The following IFNAR1 variants were observed in gnomAD, a reference collection of about 807,000 sequenced individuals.
The protein encoded by IFNAR1 is interferon alpha/beta receptor 1.
In IFNAR1, 47 loss-of-function variants were observed where a neutral mutation model predicts 62.1. That is an observed-to-expected ratio of 0.76 (90% CI 0.60 to 0.97). IFNAR1 has a LOEUF of 0.97. Among genes scored for constraint, IFNAR1 ranks in the 50% least tolerant of loss-of-function variants. The pLI is 0.00. For missense variants in IFNAR1, 638 were observed against 654.5 expected, an observed-to-expected ratio of 0.97 and a Z score of 0.27; for synonymous variants, 219 against 226.9, an observed-to-expected ratio of 0.97 and a Z score of 0.31.
chr21:33,345,953 G>A (rs539556180), intron 6 of IFNAR1, among the ~76,000 whole-genome samples: 5 of 152,310 alleles, frequency 3.3e-5, no homozygotes, highest in South Asian at 2.1e-4. Context: ...GTGCAGTGGC[G>A]CATGCCTATC....
At chr21:33,350,785 A>G (rs1246031111) in intron 8 of IFNAR1, among the ~76,000 whole-genome samples, 1 of 152,176 alleles carries the variant, frequency 6.6e-6, no homozygotes, top group Non-Finnish European at 1.5e-5. Flanking sequence ...CCATAGCTTA[A>G]TGTAGCCCAT....
chr21:33,324,824 C>T, upstream of IFNAR1: 3 of 561,976 alleles, frequency 5.3e-6, no homozygotes, highest in Admixed American at 6.2e-5. Context: ...GCAATGGGAG[C>T]TTGGAGAAGG....
At chr21:33,335,733 G>A in intron 2 of IFNAR1, 86 bp downstream of exon 2, 4 of 1,155,268 alleles carry the variant, frequency 3.5e-6, no homozygotes, top group South Asian at 3.9e-5. Context: ...GATTTGGAAA[G>A]TGTTTGGTTT....
chr21:33,355,216 C>G, intron 10 of IFNAR1, 100 bp from the exon 11 acceptor site: 1 of 631,220 alleles, frequency 1.6e-6, no homozygotes, highest in East Asian at 2.9e-5. Context: ...GATAGGTTTT[C>G]TCAGTAATGG....
At chr21:33,339,927 CAAAAAAA>C (rs532975886) in intron 2 of IFNAR1, among the ~76,000 whole-genome samples, 11 of 81,858 alleles carry the variant, frequency 1.3e-4, no homozygotes, top group South Asian at 8.8e-4. Flanking sequence ...GACTCTGTCT[CAAAAAAA>C]AAAAAAAAAA....
At position 33,355,550 on chromosome 21, in the gene IFNAR1, C is replaced by A. The variant is rs764504109; in HGVS notation, c.*1C>A. On this transcript the variant is annotated 3_prime_UTR_variant, in exon 11 of 11. Coordinates refer to ENST00000270139, the MANE Select transcript of IFNAR1 (RefSeq NM_000629.3). ...AGAACTACAGCAGGACTTTGTATGACCAGAAATGAACTGTGTCAAGTATAA... is the reference window on the plus strand; with the variant it reads ...AGAACTACAGCAGGACTTTGTATGAACAGAAATGAACTGTGTCAAGTATAA... The A allele has an allele frequency of 2.6e-6, 4 of 1,521,922 alleles. No individual in the cohort carries two copies. The highest frequency in any genetic ancestry group is 3.6e-6 in the Non-Finnish European group (4 of 1,113,768). 94.3% of individuals were successfully genotyped at this position (1,521,922 alleles called of 1,614,324 possible).
At position 33,333,614 on chromosome 21, in the gene IFNAR1, A is replaced by ATTT. The variant is rs59240203; in HGVS notation, c.77-1901_77-1899dup. On this transcript the variant is annotated intron_variant, in intron 1 of 10. Transcript: ENST00000270139. ...CCATACTTAAAGAGACTGGCGGAAT[A>ATTT]TTTTTTTTTTTCTTTTTTTTTTTTT... 3.6e-4 allele frequency among the ~76,000 whole-genome samples: 38 copies of ATTT among 106,968 alleles called. 3 individuals are homozygous for ATTT. Among genetic ancestry groups the ATTT allele is most frequent in the African/African-American group, 1.2e-3 (30 of 24,416 alleles). 70.2% of individuals were successfully genotyped at this position (106,968 alleles called of 152,430 possible). A position where few individuals can be genotyped will look rare whatever the true frequency, so the allele number is the denominator to read the frequency against.
At chr21:33,333,307 C>T (rs2083198627) in intron 1 of IFNAR1, among the ~76,000 whole-genome samples, 1 of 152,196 alleles carries the variant, frequency 6.6e-6, no homozygotes. Flanking sequence ...TTCATCACTG[C>T]TAGACCAGCC....
chr21:33,349,191 G>T lies in IFNAR1; in HGVS notation c.889G>T (p.Val297Phe). ...TACCCAGTGTGTCTTTCCTCAAAAC[G>T]TTTTCCAAAAAGGAATTTACCTTCT... ...KTTQCVFPQN[V>F]FQKGIYLLRV... Residue 297 changes from valine to phenylalanine, a missense_variant, in exon 7 of 11, where the codon GTT (valine) becomes TTT (phenylalanine). By Grantham distance (50) the Val-to-Phe change is conservative (BLOSUM62 -1). Transcript: ENST00000270139. The T allele has an allele frequency of 6.2e-7, 1 of 1,613,124 alleles. No homozygotes were observed. The highest frequency in any genetic ancestry group is 2.2e-5 in the East Asian group (1 of 44,842).
intron 5 of IFNAR1, 63 bp from the exon 6 acceptor site, chr21:33,345,183 C>T (rs2123251507): frequency 1.3e-6 from 1 of 788,748 alleles, no homozygotes; most frequent in South Asian, 1.5e-5. Context: ...CCTTTATCTT[C>T]TTGCCAGTTA....
intron 6 of IFNAR1, 85 bp downstream of exon 6, chr21:33,345,445 C>A: frequency 1.3e-6 from 1 of 769,342 alleles, no homozygotes; most frequent in Admixed American, 2.0e-5. Flanking sequence ...CAGGTCCTTG[C>A]ACACAGAATG....
intron 1 of IFNAR1, chr21:33,334,900 T>C: frequency 6.7e-7 from 1 of 1,483,584 alleles, no homozygotes; most frequent in Non-Finnish European, 9.4e-7. Flanking sequence ...TACACTATAC[T>C]TTCCCACCCC....
chr21:33,336,400 T>C (rs2083235403), intron 2 of IFNAR1, among the ~76,000 whole-genome samples: 2 of 143,430 alleles, frequency 1.4e-5, no homozygotes, highest in South Asian at 2.4e-4. Context: ...GCATGTGTCT[T>C]TATAGCAGCA....
chr21:33,335,614 T>C lies in IFNAR1; in HGVS notation c.167T>C (p.Val56Ala). The C allele has an allele frequency of 2.5e-6, 4 of 1,600,566 alleles. 1 individual carries two copies. In the South Asian group the frequency reaches 4.5e-5, roughly 18 times the overall value. Reference sequence around the variant, plus strand: ...AGGTGGAACAGGAGCGATGAGTCTGTCGGGAATGTGACTTTTTCATTCGAT... The same window carrying C: ...AGGTGGAACAGGAGCGATGAGTCTGCCGGGAATGTGACTTTTTCATTCGAT... ...ILRWNRSDES[V>A]GNVTFSFDYQ... Residue 56 changes from valine to alanine, a missense_variant, in exon 2 of 11, where the codon GTC becomes GCC. By Grantham distance (64) the Val-to-Ala change is moderately conservative. Transcript: ENST00000270139.
At chr21:33,347,167 T>C (rs1295321958) in intron 6 of IFNAR1, among the ~76,000 whole-genome samples, 3 of 150,040 alleles carry the variant, frequency 2.0e-5, no homozygotes, top group Middle Eastern at 3.2e-3. Flanking sequence ...TCTCACTCTG[T>C]CACCCAGACT....
In IFNAR1 at chr21:33,355,445, C is replaced by A. The variant is rs749808658; in HGVS notation, c.1570C>A (p.His524Asn). ...AGAAACTAATCAAACTGATGAAGAT[C>A]ATAAAAAATACAGTTCCCAAACTAG... ...VEETNQTDED[H>N]KKYSSQTSQD... Residue 524 changes from histidine to asparagine, a missense_variant, in exon 11 of 11, where the codon CAT becomes AAT. By Grantham distance (68) the His-to-Asn change is moderately conservative. Coordinates refer to ENST00000270139, the MANE Select transcript of IFNAR1 (RefSeq NM_000629.3). The A allele has an allele frequency of 1.9e-6, 3 of 1,600,626 alleles. No homozygotes were observed. Among genetic ancestry groups the A allele is most frequent in the Non-Finnish European group, 2.6e-6 (3 of 1,171,152 alleles).
chr21:33,341,098 T>A lies in IFNAR1; in HGVS notation c.300T>A (p.Ile100=), dbSNP rs777908578. The A allele has an allele frequency of 4.3e-6, 7 of 1,613,096 alleles. No individual in the cohort carries two copies. The highest frequency in any genetic ancestry group is 5.9e-6 in the Non-Finnish European group (7 of 1,179,194). Residue 100 remains isoleucine, a synonymous_variant, in exon 3 of 11, where the codon ATT becomes ATA. Coordinates refer to ENST00000270139, the MANE Select transcript of IFNAR1 (RefSeq NM_000629.3). The part of the protein sequence containing the change: ...SSLKLNVYEE[I]KLRIRAEKEN... ...TCAAGCTGAATGTTTATGAAGAAAT[T>A]AAATTGCGTATAAGAGCAGAAAAAG...
Position 33,335,536 on chromosome 21 carries a change from T to A in IFNAR1, c.89T>A (p.Leu30Gln). The change falls in exon 2 of 11, where the codon CTA becomes CAA. Residue 30 changes from leucine (L) to glutamine (Q), a missense_variant. Leu to Gln is a moderately radical substitution (Grantham distance 113, BLOSUM62 -2). Transcript: ENST00000270139. ...GTTGCTTTTATAGGTGGAAAAAATCTAAAATCTCCTCAAAAAGTAGAGGTC... is the reference window on the plus strand; with the variant it reads ...GTTGCTTTTATAGGTGGAAAAAATCAAAAATCTCCTCAAAAAGTAGAGGTC... Reference protein sequence around the residue: ...VLSAAAGGKNLKSPQKVEVDI... With the variant: ...VLSAAAGGKNQKSPQKVEVDI... 6.3e-7 allele frequency: 1 copy of A among 1,593,176 alleles called. No individual in the cohort carries two copies. Among genetic ancestry groups the A allele is most frequent in the Non-Finnish European group, 8.6e-7 (1 of 1,165,670 alleles).
chr21:33,324,888 G>GAAC, upstream of IFNAR1: 1 of 311,530 alleles, frequency 3.2e-6, no homozygotes, highest in African/African-American at 3.3e-5. Context: ...GTGCGCGGAG[G>GAAC]GGCGGTGTGT....
Sources: gnomAD v4.1 joint callset for allele counts (sites outside exome capture counted in the v4.1 genomes callset) on GRCh38, gnomAD v4.1.1 for gene constraint, MANE v1.5 for transcripts, NCBI Gene and HGNC (gene_info 2026-07-23, HGNC 2026-07-21) for gene names.